Variants in DDX19A observed in about 807,000 individuals in gnomAD.
DDX19A encodes ATP-dependent RNA helicase DDX19A.
Under a neutral mutation model 60.6 loss-of-function variants are expected in DDX19A, and 12 were observed. The observed-to-expected ratio is 0.20, with a 90% CI of 0.13 to 0.32. DDX19A has a LOEUF of 0.32. Ranked by LOEUF, DDX19A falls within the 10% of genes least tolerant of loss-of-function variation. DDX19A has a pLI of 1.00. For synonymous variants in DDX19A, 206 were observed against 218.2 expected, an observed-to-expected ratio of 0.94 and a Z score of 0.49; for missense variants, 337 against 600.6, an observed-to-expected ratio of 0.56 and a Z score of 4.59.
chr16:70,357,366 G>GTTTTTTTTTTTTTTTT lies in DDX19A; in HGVS notation c.293+1140_293+1155dup, dbSNP rs71151183. Among the ~76,000 whole-genome samples the GTTTTTTTTTTTTTTTT allele has an allele frequency of 8.3e-4, 37 of 44,580 alleles. 16 individuals carry two copies. Among genetic ancestry groups the GTTTTTTTTTTTTTTTT allele is most frequent in the Admixed American group, 2.3e-3 (7 of 3,026 alleles). The allele number at this position is 44,580 out of a possible 152,430, so 29.2% of individuals were successfully genotyped here. On this transcript the variant is annotated intron_variant, in intron 4 of 11. Transcript: ENST00000302243. Reference sequence around the variant, plus strand: ...AATCTGTCAAATCTGTTTTTGGTTTGTTTTTTTTTTTTTTTTTTTTTTTTT... The same window carrying GTTTTTTTTTTTTTTTT: ...AATCTGTCAAATCTGTTTTTGGTTTGTTTTTTTTTTTTTTTTTTTTTTTTTTTTTTTTTTTTTTTTT...
chr16:70,347,222 C>T (rs1411669255), intron 1 of DDX19A, 174 bp downstream of exon 1: 1 of 635,350 alleles, frequency 1.6e-6, no homozygotes. Context: ...CAATGTCGAG[C>T]TTTTTATCTC....
chr16:70,364,965 G>C, intron 6 of DDX19A, 52 bp from the exon 7 acceptor site: 1 of 1,456,692 alleles, frequency 6.9e-7, no homozygotes, highest in Non-Finnish European at 9.6e-7. Context: ...GTGCCTTCAG[G>C]TCTGTTACCA....
chr16:70,357,366 G>GGTTTTTT (rs1964236412), intron 4 of DDX19A, among the ~76,000 whole-genome samples: 1 of 44,596 alleles, frequency 2.2e-5, no homozygotes, highest in Non-Finnish European at 4.1e-5. Context: ...TTTTTGGTTT[G>GGTTTTTT]TTTTTTTTTT....
At chr16:70,366,325 T>G in intron 8 of DDX19A, 63 bp downstream of exon 8, 1 of 1,605,898 alleles carries the variant, frequency 6.2e-7, no homozygotes, top group African/African-American at 1.3e-5. Context: ...CTCCCTTCAC[T>G]TCAGACGCCT....
intron 4 of DDX19A, among the ~76,000 whole-genome samples, chr16:70,358,267 G>A (rs1371577895): frequency 6.6e-6 from 1 of 151,990 alleles, no homozygotes; most frequent in East Asian, 1.9e-4. Context: ...CTGGCCTCAA[G>A]CGATCTGCCC....
chr16:70,365,147 G>A lies in DDX19A; in HGVS notation c.604+16G>A, dbSNP rs78770095. On this transcript the variant is annotated intron_variant, in intron 7 of 11. Coordinates refer to ENST00000302243, the MANE Select transcript of DDX19A (RefSeq NM_018332.5). ...GGCAATAAATGTGAGTACGGCAGGC[G>A]ACAACTGAACAGTGAGCAGGGTAGG... The A allele has an allele frequency of 2.7e-3, 4,279 of 1,562,204 alleles. 19 individuals carry two copies. Among genetic ancestry groups the A allele is most frequent in the South Asian group, 6.1e-3 (547 of 89,960 alleles).
chr16:70,370,488 G>A, intron 10 of DDX19A, 103 bp downstream of exon 10: 1 of 1,466,164 alleles, frequency 6.8e-7, no homozygotes. Flanking sequence ...GTCTCAGGGA[G>A]ATGGGTGGGG....
intron 8 of DDX19A, 37 bp from the exon 9 acceptor site, chr16:70,366,587 G>A: frequency 6.2e-7 from 1 of 1,612,612 alleles, no homozygotes; most frequent in Non-Finnish European, 8.5e-7. Context: ...GCTTCCCAGG[G>A]CCACCTGGGG....
intron 1 of DDX19A, among the ~76,000 whole-genome samples, chr16:70,348,663 G>T (rs1373017491): frequency 6.8e-6 from 1 of 146,744 alleles, no homozygotes; most frequent in African/African-American, 2.5e-5. Context: ...GTGAAGGCTG[G>T]GCACAGTGGC....
chr16:70,351,632 C>G (rs575778969), intron 2 of DDX19A, among the ~76,000 whole-genome samples: 49 of 151,902 alleles, frequency 3.2e-4, no homozygotes, highest in Non-Finnish European at 5.1e-4. Flanking sequence ...TCACGCCATT[C>G]TTGTGCCTCA....
intron 2 of DDX19A, among the ~76,000 whole-genome samples, chr16:70,353,597 G>T (rs896737074): frequency 6.6e-6 from 1 of 151,804 alleles, no homozygotes; most frequent in African/African-American, 2.4e-5. Flanking sequence ...TCTCATTCTT[G>T]CTGATGGAAA....
chr16:70,355,628 G>A, intron 3 of DDX19A, 93 bp downstream of exon 3: 1 of 1,004,258 alleles, frequency 1.0e-6, no homozygotes, highest in Non-Finnish European at 1.6e-6. Flanking sequence ...AGATCCAGGA[G>A]ATGAGAGGAA....
At chr16:70,363,892 A>G (rs1432847566) in intron 5 of DDX19A, 2 of 151,994 alleles carry the variant, frequency 1.3e-5, no homozygotes, top group Admixed American at 6.6e-5. Context: ...GGTACCCGCC[A>G]CCACGCCCGG....
chr16:70,369,407 T>TGACCTCGC (rs1964615981), intron 9 of DDX19A, among the ~76,000 whole-genome samples: 1 of 148,266 alleles, frequency 6.7e-6, no homozygotes, highest in South Asian at 2.1e-4. Flanking sequence ...GTTGAACTCC[T>TGACCTCGC]GACCTCGCGA....
intron 5 of DDX19A, 138 bp from the exon 6 acceptor site, chr16:70,364,405 A>ATT: frequency 1.6e-6 from 1 of 626,966 alleles, no homozygotes; most frequent in Non-Finnish European, 2.9e-6. Context: ...TATGAAAGTA[A>ATT]TTTGTGCTCA....
chr16:70,356,768 T>A (rs1964200752), intron 4 of DDX19A: 1 of 692,906 alleles, frequency 1.4e-6, no homozygotes, highest in East Asian at 6.9e-5. Flanking sequence ...TTGGCTATCC[T>A]GTTCTCTTGG....
intron 4 of DDX19A, among the ~76,000 whole-genome samples, chr16:70,357,067 T>G (rs1273532524): frequency 6.6e-6 from 1 of 150,386 alleles, no homozygotes; most frequent in African/African-American, 2.4e-5. Context: ...ACCAACATGG[T>G]GAAACCCTGT....
intron 7 of DDX19A, 47 bp downstream of exon 7, chr16:70,365,178 G>C (rs1964482563): frequency 1.5e-6 from 2 of 1,371,694 alleles, no homozygotes; most frequent in Non-Finnish European, 2.1e-6. Context: ...GTAGGGGGTT[G>C]GGCGTTTGAA....
intron 2 of DDX19A, among the ~76,000 whole-genome samples, chr16:70,352,961 A>G (rs1964069679): frequency 6.6e-6 from 1 of 152,042 alleles, no homozygotes; most frequent in Non-Finnish European, 1.5e-5. Flanking sequence ...TTTTAAAGCA[A>G]TCATAGATGT....
Sources: gnomAD v4.1 joint callset for allele counts (sites outside exome capture counted in the v4.1 genomes callset) on GRCh38, gnomAD v4.1.1 for gene constraint, MANE v1.5 for transcripts, NCBI Gene and HGNC (gene_info 2026-07-23, HGNC 2026-07-21) for gene names.